Variants in ABI1 observed in about 807,000 individuals in gnomAD.
The protein encoded by ABI1 is Abelson interactor 1.
In ABI1, 14 loss-of-function variants were observed where a neutral mutation model predicts 54.6. The ratio of observed to expected loss-of-function variants is 0.26; its 90% CI spans 0.17 to 0.40. The LOEUF (loss-of-function observed/expected upper bound fraction) is 0.40, where lower values mean the gene tolerates loss of function less well. ABI1 is among the 10% of genes least tolerant of loss of function. ABI1 has a pLI of 1.00. For missense variants in ABI1, 443 were observed against 598.3 expected (o/e 0.74, Z 2.71); for synonymous variants, 194 against 209.3 (o/e 0.93, Z 0.63).
chr10:26,802,234 G>A (rs1428272309), intron 2 of ABI1, among the ~76,000 whole-genome samples: 1 of 152,168 alleles, frequency 6.6e-6, no homozygotes, highest in East Asian at 1.9e-4. Flanking sequence ...GACCTTTAAA[G>A]AACCTTTAAA....
intron 1 of ABI1, among the ~76,000 whole-genome samples, chr10:26,832,461 G>A (rs761860068): frequency 3.2e-4 from 49 of 152,040 alleles, no homozygotes; most frequent in Non-Finnish European, 6.5e-4. Flanking sequence ...GCGGGCGCCT[G>A]TAGTCCCAAC....
intron 2 of ABI1, among the ~76,000 whole-genome samples, chr10:26,795,375 A>G (rs1448847140): frequency 6.6e-6 from 1 of 152,174 alleles, no homozygotes; most frequent in East Asian, 1.9e-4. Context: ...TTTATTTAAC[A>G]CAGTACTAGA....
intron 3 of ABI1, among the ~76,000 whole-genome samples, chr10:26,776,432 A>G (rs1026096764): frequency 1.3e-5 from 2 of 152,240 alleles, no homozygotes; most frequent in Admixed American, 6.5e-5. Context: ...GAGACAGCGA[A>G]AGAATTTTGG....
intron 1 of ABI1, among the ~76,000 whole-genome samples, chr10:26,843,469 AAAAAAAAAAAAAAAAAATATATAT>A (rs1453857974): frequency 1.6e-3 from 129 of 82,944 alleles, no homozygotes; most frequent in East Asian, 4.1e-3. Context: ...AAAAAAAAAA[AAAAAAAAAAAAAAAAAATATATAT>A]ATATATATAT....
In ABI1 at chr10:26,823,231, T is replaced by C. The variant is rs954792030; in HGVS notation, c.192A>G (p.Gln64=). ...GTACATTGTTGGCCAATGCATTTAT[T>C]TGATAAGCAACACTAGCTAGAGATT... is the stretch of plus-strand genomic sequence containing the variant. ...TTQSLASVAY[Q]INALANNVLQ... is the part of the protein sequence containing the mutation. The change falls in exon 2 of 11, where the codon CAA becomes CAG. Residue 64 remains glutamine (Q), a synonymous_variant. Transcript: ENST00000376140. 1 of 1,606,610 alleles carries C rather than the reference T, an allele frequency of 6.2e-7. No individual in the cohort carries two copies.
At chr10:26,753,523 A>T (rs1406516860) in intron 9 of ABI1, among the ~76,000 whole-genome samples, 3 of 152,198 alleles carry the variant, frequency 2.0e-5, no homozygotes, top group African/African-American at 7.2e-5. Context: ...TGGCGAAGGA[A>T]GTCTTGGTTA....
In ABI1 at chr10:26,769,011, GA is replaced by G; in HGVS notation, c.579-20del. The G allele has an allele frequency of 6.4e-7, 1 of 1,552,758 alleles. No homozygotes were observed. Among genetic ancestry groups the G allele is most frequent in the Non-Finnish European group, 8.7e-7 (1 of 1,151,960 alleles). On this transcript the variant is annotated intron_variant, in intron 5 of 10. Coordinates refer to ENST00000376140, the MANE Select transcript of ABI1 (RefSeq NM_001012750.3). ...ATTCCGTCTAAAGGAGCATAGTGGA[GA>G]AAGGAATAATGAATAAAAAAGATAA...
chr10:26,791,970 GAA>G (rs1229916965), intron 2 of ABI1, among the ~76,000 whole-genome samples: 2 of 152,066 alleles, frequency 1.3e-5, no homozygotes, highest in African/African-American at 4.8e-5. Context: ...ATAAATCTTA[GAA>G]ATTATAATGC....
At chr10:26,776,025 T>A (rs919084974) in intron 3 of ABI1, among the ~76,000 whole-genome samples, 2 of 152,174 alleles carry the variant, frequency 1.3e-5, no homozygotes, top group Non-Finnish European at 2.9e-5. Context: ...GCACCTTGAA[T>A]TAAAACTGAA....
intron 2 of ABI1, among the ~76,000 whole-genome samples, chr10:26,786,219 A>G (rs1044768200): frequency 6.8e-6 from 1 of 146,468 alleles, no homozygotes; most frequent in African/African-American, 2.5e-5. Context: ...GCCTCTCTAC[A>G]CTTTTTTTTT....
Position 26,821,298 on chromosome 10 carries a change from A to T in ABI1, c.285+1840T>A, listed in dbSNP as rs907281469. Among the ~76,000 whole-genome samples, 4 of 151,932 alleles carry T rather than the reference A, an allele frequency of 2.6e-5. No homozygotes were observed. The South Asian group carries it at 8.3e-4, about 32-fold the overall frequency. On this transcript the variant is annotated intron_variant, in intron 2 of 10. Coordinates refer to ENST00000376140, the MANE Select transcript of ABI1 (RefSeq NM_001012750.3). ...GCAAATCAATCCCAAGGTAAGGAAA[A>T]GAAAAAGAAATAATAAAGATCAGAA...
At chr10:26,776,219 CCT>C (rs1258019369) in intron 3 of ABI1, among the ~76,000 whole-genome samples, 1 of 152,176 alleles carries the variant, frequency 6.6e-6, no homozygotes, top group African/African-American at 2.4e-5. Context: ...CAGCTATACT[CCT>C]CTCTCGACCA....
chr10:26,835,571 T>C (rs1476626727), intron 1 of ABI1, among the ~76,000 whole-genome samples: 1 of 138,830 alleles, frequency 7.2e-6, no homozygotes, highest in Admixed American at 7.0e-5. Context: ...TTAGACCCTG[T>C]CTCCAAAGGA....
intron 2 of ABI1, among the ~76,000 whole-genome samples, chr10:26,788,797 C>T (rs993916558): frequency 2.0e-5 from 3 of 151,456 alleles, no homozygotes; most frequent in Admixed American, 6.6e-5. Context: ...CCTGTAGTCC[C>T]AGCTACTCGG....
At chr10:26,787,495 C>A (rs1414864270) in intron 2 of ABI1, among the ~76,000 whole-genome samples, 1 of 152,122 alleles carries the variant, frequency 6.6e-6, no homozygotes, top group Non-Finnish European at 1.5e-5. Context: ...CTGGTCTACT[C>A]CCTCTCCATT....
intron 2 of ABI1, among the ~76,000 whole-genome samples, chr10:26,820,533 G>C (rs901107616): frequency 6.7e-6 from 1 of 150,310 alleles, no homozygotes; most frequent in East Asian, 1.9e-4. Flanking sequence ...ATTATATTCA[G>C]CTAAATGAAA....
chr10:26,771,014 C>T (rs1411768411), intron 4 of ABI1, 61 bp downstream of exon 4: 2 of 1,566,512 alleles, frequency 1.3e-6, no homozygotes, highest in East Asian at 2.2e-5. Context: ...TTTAGTGGCT[C>T]TGCAGCCTCT....
In ABI1 at chr10:26,823,204, G is replaced by T. The variant is rs1180516142; in HGVS notation, c.219C>A (p.Leu73=). 9 of 1,605,960 alleles carry T rather than the reference G, an allele frequency of 5.6e-6. No individual in the cohort carries two copies. Among genetic ancestry groups the T allele is most frequent in the Non-Finnish European group, 7.6e-6 (9 of 1,177,444 alleles). Residue 73 remains leucine, a synonymous_variant, in exon 2 of 11, where the codon CTC becomes CTA. Coordinates refer to ENST00000376140, the MANE Select transcript of ABI1 (RefSeq NM_001012750.3). ...GAGAGGCTTGGATATCCAGCAACTG[G>T]AGTACATTGTTGGCCAATGCATTTA... ...YQINALANNV[L]QLLDIQASQL...
chr10:26,809,480 C>A (rs1187904033), intron 2 of ABI1, among the ~76,000 whole-genome samples: 3 of 151,838 alleles, frequency 2.0e-5, no homozygotes. Context: ...ATCCCTTGAG[C>A]CAGGGAGTTT....
Sources: gnomAD v4.1 joint callset for allele counts (sites outside exome capture counted in the v4.1 genomes callset) on GRCh38, gnomAD v4.1.1 for gene constraint, MANE v1.5 for transcripts, NCBI Gene and HGNC (gene_info 2026-07-23, HGNC 2026-07-21) for gene names.